The following TENM4 variants were observed in gnomAD, a reference collection of about 807,000 sequenced individuals.
TENM4 encodes teneurin transmembrane protein 4, also known as teneurin-4.
In TENM4, 82 loss-of-function variants were observed where a neutral mutation model predicts 243.3. The ratio of observed to expected loss-of-function variants is 0.34; its 90% CI spans 0.28 to 0.40. The LOEUF (loss-of-function observed/expected upper bound fraction) is 0.40. TENM4 is among the 10% of genes least tolerant of loss of function. TENM4 has a pLI of 1.00. For synonymous variants in TENM4, 1,412 were observed against 1,456.3 expected (o/e 0.97, Z 0.69); for missense variants, 3,138 against 3,673.3 (o/e 0.85, Z 3.77).
intron 1 of TENM4, among the ~76,000 whole-genome samples, chr11:79,308,968 C>T (rs1427082578): frequency 6.6e-6 from 1 of 152,020 alleles, no homozygotes; most frequent in African/African-American, 2.4e-5. Flanking sequence ...TTATTATGCA[C>T]TATCTGATGA....
At chr11:79,085,812 C>T (rs902111969) in intron 4 of TENM4, among the ~76,000 whole-genome samples, 2 of 152,144 alleles carry the variant, frequency 1.3e-5, no homozygotes, top group African/African-American at 4.8e-5. Context: ...CTGCATATAC[C>T]CATAACCCCA....
At chr11:78,865,619 C>T (rs1805677170) in intron 9 of TENM4, among the ~76,000 whole-genome samples, 2 of 152,232 alleles carry the variant, frequency 1.3e-5, no homozygotes, top group South Asian at 4.1e-4. Context: ...CATCAAGACA[C>T]ACACAAAAAA....
At chr11:79,037,939 T>C (rs978454886) in intron 6 of TENM4, among the ~76,000 whole-genome samples, 2 of 152,306 alleles carry the variant, frequency 1.3e-5, no homozygotes, top group African/African-American at 4.8e-5. Flanking sequence ...AGAGAAGGGC[T>C]TGCACTCAGA....
In TENM4 at chr11:78,903,515, C is replaced by G. The variant is rs551202427; in HGVS notation, c.502G>C (p.Gly168Arg). Residue 168 changes from glycine (G) to arginine (R), a missense_variant, in exon 7 of 34, where the codon GGC becomes CGC. This residue lies in a region of TENM4 where 671 missense variants were observed against 614.1 expected (regional missense o/e 1.09). Transcript: ENST00000278550. ...AGCCGCGCGTGGTTCTGCAGGCCGC[C>G]CGGATGATCTAGGGCACAAACATGG... ...EHENTETDHP[G>R]GLQNHARLRT... is the part of the protein sequence containing the mutation. 7 of 1,546,550 alleles carry G rather than the reference C, an allele frequency of 4.5e-6. No homozygotes were observed. In the African/African-American group the frequency reaches 6.8e-5, roughly 15 times the overall value.
At chr11:79,116,213 A>G (rs1414133039) in intron 4 of TENM4, among the ~76,000 whole-genome samples, 2 of 152,360 alleles carry the variant, frequency 1.3e-5, no homozygotes, top group South Asian at 2.1e-4. Flanking sequence ...TAAATCATAA[A>G]TGGCATTTCT....
intron 1 of TENM4, among the ~76,000 whole-genome samples, chr11:79,364,314 A>G (rs1165254285): frequency 6.6e-6 from 1 of 152,146 alleles, no homozygotes; most frequent in South Asian, 2.1e-4. Flanking sequence ...CCCCGGCCCA[A>G]TGGGCCTGCC....
chr11:78,906,580 C>T (rs894308845), intron 6 of TENM4, among the ~76,000 whole-genome samples: 3 of 152,168 alleles, frequency 2.0e-5, no homozygotes, highest in Admixed American at 6.5e-5. Context: ...AAAGGAAATT[C>T]TCCTATGGGG....
chr11:79,174,162 A>T (rs1863109691), intron 3 of TENM4, among the ~76,000 whole-genome samples: 1 of 152,156 alleles, frequency 6.6e-6, no homozygotes, highest in Admixed American at 6.5e-5. Flanking sequence ...ACATAAGACT[A>T]CCTTGGTCTC....
At chr11:79,429,513 C>A (rs574390739) in intron 1 of TENM4, among the ~76,000 whole-genome samples, 12 of 152,136 alleles carry the variant, frequency 7.9e-5, no homozygotes, top group African/African-American at 2.9e-4. Flanking sequence ...TCGTGAATCC[C>A]ACAACAACCC....
chr11:78,674,003 A>T (rs1858400633), intron 30 of TENM4, among the ~76,000 whole-genome samples: 1 of 152,170 alleles, frequency 6.6e-6, no homozygotes, highest in Admixed American at 6.5e-5. Flanking sequence ...ACAGGAAGAT[A>T]CAGGGGCTGT....
intron 4 of TENM4, among the ~76,000 whole-genome samples, chr11:79,122,834 A>G (rs1861770612): frequency 6.6e-6 from 1 of 152,250 alleles, no homozygotes; most frequent in South Asian, 2.1e-4. Context: ...TACACAGTCT[A>G]GAAAACATCT....
chr11:79,160,747 A>G (rs1862726802), intron 3 of TENM4, among the ~76,000 whole-genome samples: 1 of 152,192 alleles, frequency 6.6e-6, no homozygotes, highest in Non-Finnish European at 1.5e-5. Context: ...ACCCTGTATC[A>G]GGTATTTCTC....
At chr11:79,437,454 C>T (rs1859296915) in intron 1 of TENM4, among the ~76,000 whole-genome samples, 1 of 152,072 alleles carries the variant, frequency 6.6e-6, no homozygotes, top group Non-Finnish European at 1.5e-5. Flanking sequence ...CCGCGCGGCG[C>T]TTGCGGCTGG....
intron 4 of TENM4, among the ~76,000 whole-genome samples, chr11:79,086,052 C>G (rs139675847): frequency 2.6e-5 from 4 of 152,360 alleles, no homozygotes; most frequent in African/African-American, 9.6e-5. Context: ...GACTGCCATA[C>G]TAATGGCTCC....
At chr11:79,068,271 C>T (rs1384001302) in intron 5 of TENM4, 1 of 152,234 alleles carries the variant, frequency 6.6e-6, no homozygotes, top group Non-Finnish European at 1.5e-5. Flanking sequence ...TCCTCACCAC[C>T]TATTAGGTAC....
chr11:79,074,146 AT>A (rs545929671), intron 4 of TENM4, among the ~76,000 whole-genome samples: 419 of 151,940 alleles, frequency 2.8e-3, no homozygotes, highest in African/African-American at 9.0e-3. Context: ...TTTCCTTAAA[AT>A]TTTTTTTTCA....
At chr11:79,339,488 C>T (rs1482210701) in intron 1 of TENM4, among the ~76,000 whole-genome samples, 1 of 152,180 alleles carries the variant, frequency 6.6e-6, no homozygotes, top group Non-Finnish European at 1.5e-5. Context: ...CTGTGCAGAG[C>T]TGGCAGGCCC....
intron 3 of TENM4, among the ~76,000 whole-genome samples, chr11:79,214,618 G>A (rs568516077): frequency 6.8e-4 from 103 of 152,292 alleles, no homozygotes; most frequent in South Asian, 6.2e-4. Flanking sequence ...ATCTACTGTG[G>A]CAGGGGAAGT....
rs1160677674 is a variant in TENM4 at position 79,440,071 on chromosome 11, C to T, written c.-321+438G>A. Among the ~76,000 whole-genome samples, 1 of 152,120 alleles carries T rather than the reference C, an allele frequency of 6.6e-6. No individual in the cohort carries two copies. Among genetic ancestry groups the T allele is most frequent in the Non-Finnish European group, 1.5e-5 (1 of 67,992 alleles). ...AGGGCAGGCTGCAGCCGCTGAAGCC[C>T]GGCGCCGCCTCGCGGGCTCCTCCAG... On this transcript the variant is annotated intron_variant, in intron 1 of 33. Transcript: ENST00000278550. The surrounding 1 kb of genome is among the most constrained non-coding windows in gnomAD (Gnocchi z 4.7).
Sources: allele counts gnomAD v4.1 joint callset (sites outside exome capture counted in the v4.1 genomes callset), GRCh38; gene constraint gnomAD v4.1.1; regional missense constraint gnomAD v4.1.1; non-coding constraint Gnocchi (gnomAD v3.1); transcripts MANE v1.5; gene names NCBI Gene and HGNC (gene_info 2026-07-23, HGNC 2026-07-21).